The following SLC38A2 variants were observed in gnomAD, a reference collection of about 807,000 sequenced individuals.
SLC38A2 encodes sodium-coupled neutral amino acid symporter 2.
SLC38A2 carries 11 observed loss-of-function variants against 61.5 expected under a neutral mutation model. That is an observed-to-expected ratio of 0.18 (90% CI 0.11 to 0.30). The LOEUF is 0.30. Ranked by LOEUF, SLC38A2 falls within the 10% of genes least tolerant of loss-of-function variation. SLC38A2 has a pLI of 1.00. For synonymous variants in SLC38A2, 217 were observed against 212.5 expected (o/e 1.02, Z -0.18); for missense variants, 522 against 600.4 (o/e 0.87, Z 1.36).
Position 46,370,610 on chromosome 12 carries a change from G to A in SLC38A2, c.216C>T (p.Ser72=), listed in dbSNP as rs762547634. Residue 72 remains serine, a synonymous_variant, in exon 4 of 16, where the codon TCC becomes TCT. Coordinates refer to ENST00000256689, the MANE Select transcript of SLC38A2 (RefSeq NM_018976.5). ...YETEFHPGTT[S]FGMSVFNLSN... ...TCAGATTAAATACTGACATTCCAAA[G>A]GAAGTAGTACCTGGATGCTACATAG... 5 of 1,613,660 alleles carry A rather than the reference G, an allele frequency of 3.1e-6. No homozygotes were observed. Among genetic ancestry groups the A allele is most frequent in the African/African-American group, 1.3e-5 (1 of 74,910 alleles).
chr12:46,367,414 TTAAA>T, intron 4 of SLC38A2, 74 bp from the exon 5 acceptor site: 1 of 832,814 alleles, frequency 1.2e-6, no homozygotes, highest in Non-Finnish European at 2.0e-6. Context: ...TTCTGGATGT[TTAAA>T]TAACATTATG....
chr12:46,364,952 A>G, intron 8 of SLC38A2, 155 bp downstream of exon 8: 1 of 752,008 alleles, frequency 1.3e-6, no homozygotes, highest in Non-Finnish European at 2.2e-6. Flanking sequence ...TGTCAATTAA[A>G]TATTTTGGCT....
rs992346831 is a variant in SLC38A2, at chr12:46,359,973, T to A, written c.*1138A>T. 4 of 152,672 alleles carry A rather than the reference T, an allele frequency of 2.6e-5. No individual in the cohort carries two copies. The highest frequency in any genetic ancestry group is 9.6e-5 in the African/African-American group (4 of 41,468). 9.5% of individuals were successfully genotyped at this position (152,672 alleles called of 1,614,324 possible). A position where few individuals can be genotyped will look rare whatever the true frequency, so the allele number is the denominator to read the frequency against. On this transcript the variant is annotated 3_prime_UTR_variant, in exon 16 of 16. Transcript: ENST00000256689. ...TGTAACCTGTGGATTAGACCTCTAC[T>A]GTAGACAAAACATGAACACAACTAA... is the stretch of plus-strand genomic sequence containing the variant.
chr12:46,369,225 T>C (rs1186518615), intron 4 of SLC38A2, among the ~76,000 whole-genome samples: 1 of 152,190 alleles, frequency 6.6e-6, no homozygotes, highest in Non-Finnish European at 1.5e-5. Flanking sequence ...ATTTCAAATA[T>C]TCGACAGTGA....
chr12:46,366,657 C>T (rs941786304), intron 7 of SLC38A2, among the ~76,000 whole-genome samples: 2 of 152,068 alleles, frequency 1.3e-5, no homozygotes, highest in African/African-American at 4.8e-5. Context: ...TTAAGATATC[C>T]AAAATTGTAG....
chr12:46,362,575 G>C lies in SLC38A2; in HGVS notation c.1243C>G (p.Leu415Val), dbSNP rs1214200298. ...SKDFSWWRHSLITVSILAFTN... is the reference protein window; with the variant it reads ...SKDFSWWRHSVITVSILAFTN... ...AATGCCAAGATAGACACTGTAATGA[G>C]ACTATGACGCCACCAACTGAAATCT... Residue 415 changes from leucine (L) to valine (V), a missense_variant, in exon 14 of 16, where the codon CTC becomes GTC. Physicochemically the swap from Leu to Val is conservative, Grantham distance 32 (BLOSUM62 1). Coordinates refer to ENST00000256689, the MANE Select transcript of SLC38A2 (RefSeq NM_018976.5). The C allele has an allele frequency of 1.1e-5, 17 of 1,598,058 alleles. No individual in the cohort carries two copies. The Admixed American group carries it at 2.8e-4, about 26-fold the overall frequency.
At position 46,362,737 on chromosome 12, in the gene SLC38A2, A is replaced by C. The variant is rs532005638; in HGVS notation, c.1180-99T>G. On this transcript the variant is annotated intron_variant, in intron 13 of 15. Transcript: ENST00000256689. ...TGAAAAGAATGCCCAAGTAACAAGG[A>C]ATCTATCCAAAATAGTAACTATTTC... The C allele has an allele frequency of 5.6e-6, 7 of 1,256,636 alleles. No homozygotes were observed. In the African/African-American group the frequency reaches 8.0e-5, roughly 14 times the overall value. 77.8% of individuals were successfully genotyped at this position (1,256,636 alleles called of 1,614,324 possible). A position where few individuals can be genotyped will look rare whatever the true frequency, so the allele number is the denominator to read the frequency against.
rs1943185706 is a variant in SLC38A2, at chr12:46,370,640, A to G, written c.199-13T>C. ...TAGTACCTGGATGCTACATAGAGGG[A>G]AAACGATAACCAAACATATAACAAT... On this transcript the variant is annotated splice_polypyrimidine_tract_variant and intron_variant, in intron 3 of 15. Transcript: ENST00000256689. The G allele has an allele frequency of 1.3e-6, 2 of 1,597,240 alleles. No homozygotes were observed. Among genetic ancestry groups the G allele is most frequent in the South Asian group, 2.2e-5 (2 of 90,608 alleles).
chr12:46,363,068 C>T lies in SLC38A2; in HGVS notation c.1132G>A (p.Ala378Thr), dbSNP rs1396069391. 1.9e-6 allele frequency: 3 copies of T among 1,613,000 alleles called. No individual in the cohort carries two copies. The African/African-American group carries it at 4.0e-5, about 22-fold the overall frequency. ...TDILLLIVRL[A>T]VLMAVTLTVP... is the part of the protein sequence containing the mutation. ...GTCAGGGTCACAGCCATTAACACAG[C>T]CAGACGGACAATGAGAAGAAGAATA... The change falls in exon 13 of 16, where the codon GCT becomes ACT. Residue 378 changes from alanine (A) to threonine (T), a missense_variant. Physicochemically the swap from Ala to Thr is moderately conservative, Grantham distance 58. Around this residue, in one of 3 missense-constraint regions of SLC38A2, gnomAD observed 309 missense variants for 343.9 expected, o/e 0.90. Transcript: ENST00000256689.
chr12:46,372,693 G>C lies in SLC38A2; in HGVS notation c.-271C>G. ...GCGTCCGCCGTGTCAAGGGAAAGGC[G>C]CGAGCGTGCGGTAACGCGTGGTCGG... is the stretch of plus-strand genomic sequence containing the variant. On this transcript the variant is annotated 5_prime_UTR_variant, in exon 1 of 16. Transcript: ENST00000256689. The C allele has an allele frequency of 2.5e-6, 1 of 398,540 alleles. No individual in the cohort carries two copies. The highest frequency in any genetic ancestry group is 4.4e-6 in the Non-Finnish European group (1 of 225,976). 24.7% of individuals were successfully genotyped at this position (398,540 alleles called of 1,614,324 possible).
At chr12:46,364,030 A>G in intron 10 of SLC38A2, 27 bp from the exon 11 acceptor site, 1 of 1,567,218 alleles carries the variant, frequency 6.4e-7, no homozygotes, top group Non-Finnish European at 8.7e-7. Context: ...AAATCTACTT[A>G]ATCTGATGTA....
chr12:46,361,068 C>A lies in SLC38A2; in HGVS notation c.*43G>T. The A allele has an allele frequency of 6.8e-7, 1 of 1,477,340 alleles. No individual in the cohort carries two copies. Among genetic ancestry groups the A allele is most frequent in the Non-Finnish European group, 9.4e-7 (1 of 1,061,424 alleles). The allele number at this position is 1,477,340 out of a possible 1,614,324, so 91.5% of individuals were successfully genotyped here. A position where few individuals can be genotyped will look rare whatever the true frequency, so the allele number is the denominator to read the frequency against. ...TTTCATAGTAGTTGAGTTTACTCAA[C>A]ACTGGCATCAGATGGACTGAGTTTG... On this transcript the variant is annotated 3_prime_UTR_variant, in exon 16 of 16. Coordinates refer to ENST00000256689, the MANE Select transcript of SLC38A2 (RefSeq NM_018976.5).
At chr12:46,366,413 T>C (rs1943138773) in intron 7 of SLC38A2, among the ~76,000 whole-genome samples, 1 of 152,150 alleles carries the variant, frequency 6.6e-6, no homozygotes, top group Non-Finnish European at 1.5e-5. Flanking sequence ...CCACTTGTAG[T>C]GTCATGTTGG....
chr12:46,365,944 A>G (rs535546218), intron 7 of SLC38A2, among the ~76,000 whole-genome samples: 3 of 152,284 alleles, frequency 2.0e-5, no homozygotes, highest in African/African-American at 7.2e-5. Flanking sequence ...TGTTCACTTC[A>G]GCAGTAAGCA....
At chr12:46,367,037 C>T (rs368185672) in intron 6 of SLC38A2, 39 bp downstream of exon 6, 96 of 1,606,474 alleles carry the variant, frequency 6.0e-5, no homozygotes, top group Non-Finnish European at 7.5e-5. Flanking sequence ...CCACAATGAG[C>T]ATAAAGTCTA....
At position 46,372,490 on chromosome 12, in the gene SLC38A2, G is replaced by T; in HGVS notation, c.-87+19C>A. 1 of 343,964 alleles carries T rather than the reference G, an allele frequency of 2.9e-6. No homozygotes were observed. Among genetic ancestry groups the T allele is most frequent in the Admixed American group, 4.8e-5 (1 of 20,848 alleles). The allele number at this position is 343,964 out of a possible 1,614,324, so 21.3% of individuals were successfully genotyped here. A position where few individuals can be genotyped will look rare whatever the true frequency, so the allele number is the denominator to read the frequency against. The stretch of plus-strand genomic sequence containing the variant: ...CGGGCCCCGCGCCCTTCCCACAGAC[G>T]CCCCCCCGCACGCGTTACCTCGGTG... On this transcript the variant is annotated intron_variant, in intron 1 of 15. Coordinates refer to ENST00000256689, the MANE Select transcript of SLC38A2 (RefSeq NM_018976.5).
rs1038298028 is a variant in SLC38A2 at position 46,358,328 on chromosome 12, A to C, written c.*2783T>G. ...TACAGTGGGGATATTTACACTATATACACAAAGTTAATACACCCAGGTTCT... is the reference window on the plus strand; with the variant it reads ...TACAGTGGGGATATTTACACTATATCCACAAAGTTAATACACCCAGGTTCT... On this transcript the variant is annotated 3_prime_UTR_variant, in exon 16 of 16. Transcript: ENST00000256689. 2.0e-5 allele frequency: 3 copies of C among 152,646 alleles called. No individual in the cohort carries two copies. The highest frequency in any genetic ancestry group is 1.9e-4 in the East Asian group (1 of 5,200). 9.5% of individuals were successfully genotyped at this position (152,646 alleles called of 1,614,324 possible).
chr12:46,363,750 G>A lies in SLC38A2; in HGVS notation c.1030C>T (p.Leu344Phe), dbSNP rs36065261. 3.8e-5 allele frequency: 61 copies of A among 1,587,366 alleles called. No homozygotes were observed. The African/African-American group carries it at 7.5e-4, about 20-fold the overall frequency. ...AMFLMYLLAALFGYLTFYEHV... is the reference protein window; with the variant it reads ...AMFLMYLLAAFFGYLTFYEHV... The stretch of plus-strand genomic sequence containing the variant: ...CCGTAAAATGTTAGGTATCCAAAGA[G>A]GGCGGCAAGCAGATACATGAGAAAC... The change falls in exon 12 of 16, where the codon CTC (leucine) becomes TTC (phenylalanine). Residue 344 changes from leucine (L) to phenylalanine (F), a missense_variant. Leu to Phe is a conservative substitution (Grantham distance 22). This residue lies in a region of SLC38A2 where 309 missense variants were observed against 343.9 expected (regional missense o/e 0.90). Transcript: ENST00000256689.
chr12:46,369,125 G>A (rs573187713), intron 4 of SLC38A2, among the ~76,000 whole-genome samples: 56 of 152,240 alleles, frequency 3.7e-4, no homozygotes, highest in Non-Finnish European at 6.6e-4. Flanking sequence ...TGAAACAGAG[G>A]TGCCATTTAG....
Sources: allele counts gnomAD v4.1 joint callset (sites outside exome capture counted in the v4.1 genomes callset), GRCh38; gene constraint gnomAD v4.1.1; regional missense constraint gnomAD v4.1.1; transcripts MANE v1.5; gene names NCBI Gene and HGNC (gene_info 2026-07-23, HGNC 2026-07-21).